The following CARD19 variants were observed in gnomAD, a reference collection of about 807,000 sequenced individuals.
CARD19 encodes caspase recruitment domain-containing protein 19.
Under a neutral mutation model 24.1 loss-of-function variants are expected in CARD19, and 25 were observed. The observed-to-expected ratio is 1.04, with a 90% CI of 0.76 to 1.45. The LOEUF (loss-of-function observed/expected upper bound fraction) is 1.45. Ranked by LOEUF, CARD19 falls within the 40% of genes most tolerant of loss-of-function variation. The probability of loss-of-function intolerance (pLI) is 0.00; values close to 1 mark genes in which losing one functional copy is unlikely to be tolerated. For missense variants in CARD19, 241 were observed against 247.4 expected (o/e 0.97, Z 0.17); for synonymous variants, 103 against 104.9 (o/e 0.98, Z 0.11).
chr9:93,100,579 CCTT>C (rs747061930), intron 1 of CARD19, among the ~76,000 whole-genome samples: 2 of 152,194 alleles, frequency 1.3e-5, no homozygotes, highest in Non-Finnish European at 2.9e-5. Flanking sequence ...ATAACATTTA[CCTT>C]CTTACCCATT....
At chr9:93,101,783 G>GT (rs1294261613) in intron 1 of CARD19, among the ~76,000 whole-genome samples, 2 of 151,806 alleles carry the variant, frequency 1.3e-5, no homozygotes, top group Non-Finnish European at 2.9e-5. Flanking sequence ...CTGCCATACT[G>GT]TTTTTTTCCA....
At chr9:93,111,223 C>T (rs1341361658) in intron 3 of CARD19, 21 of 1,177,862 alleles carry the variant, frequency 1.8e-5, no homozygotes, top group South Asian at 4.8e-5. Context: ...GAAGCACGTG[C>T]ATTTCAGTTT....
At chr9:93,112,842 C>G in intron 5 of CARD19, 150 bp from the exon 6 acceptor site, 2 of 584,626 alleles carry the variant, frequency 3.4e-6, no homozygotes, top group South Asian at 4.5e-5. Context: ...TGCCCTAATT[C>G]TTGTCTTTTC....
chr9:93,102,652 G>GT (rs71364357), intron 1 of CARD19, among the ~76,000 whole-genome samples: 11,284 of 143,268 alleles, frequency 0.079, 509 homozygotes, highest in South Asian at 0.17. Flanking sequence ...CCCTGTTGTT[G>GT]TTTTTTTTTT....
At chr9:93,100,229 A>G (rs60416917) in intron 1 of CARD19, among the ~76,000 whole-genome samples, 5,428 of 152,312 alleles carry the variant, frequency 0.036, 164 homozygotes, top group South Asian at 0.13. Context: ...ACAAAGTAAA[A>G]CAGTCTGTTG....
At chr9:93,101,951 G>A (rs569702147) in intron 1 of CARD19, among the ~76,000 whole-genome samples, 3 of 141,178 alleles carry the variant, frequency 2.1e-5, no homozygotes, top group Admixed American at 1.6e-4. Context: ...AATGACTAAT[G>A]ATGAGCATTT....
intron 1 of CARD19, 34 bp from the exon 2 acceptor site, chr9:93,107,640 G>C (rs1827312094): frequency 6.2e-7 from 1 of 1,613,230 alleles, no homozygotes; most frequent in Non-Finnish European, 8.5e-7. Context: ...CCCTTGGGCT[G>C]TGCTGGCTCA....
rs189319411 is a variant in CARD19 at position 93,101,532 on chromosome 9, C to T, written c.7+5180C>T. Among the ~76,000 whole-genome samples the T allele has an allele frequency of 3.3e-4, 50 of 151,576 alleles. 1 individual carries two copies. In the East Asian group the frequency reaches 7.8e-3, roughly 24 times the overall value. On this transcript the variant is annotated intron_variant, in intron 1 of 5. Coordinates refer to ENST00000375464, the MANE Select transcript of CARD19 (RefSeq NM_032310.5). The stretch of plus-strand genomic sequence containing the variant: ...TTGGCTCACTGCAACCTCTACCGTC[C>T]GGGTTGAAGCGATTCTCCTGCCTCA...
chr9:93,109,354 T>G (rs576874597), intron 2 of CARD19, among the ~76,000 whole-genome samples: 3 of 152,218 alleles, frequency 2.0e-5, no homozygotes, highest in African/African-American at 7.2e-5. Flanking sequence ...TGCCACCAGG[T>G]GGCAGCACCA....
chr9:93,106,892 C>T (rs1365953954), intron 1 of CARD19, among the ~76,000 whole-genome samples: 1 of 152,134 alleles, frequency 6.6e-6, no homozygotes, highest in Non-Finnish European at 1.5e-5. Flanking sequence ...CCCATCCTCT[C>T]CATGCCCTTC....
intron 5 of CARD19, 29 bp downstream of exon 5, chr9:93,112,318 G>C (rs764258966): frequency 3.2e-4 from 486 of 1,536,534 alleles, no homozygotes; most frequent in Non-Finnish European, 3.9e-4. Flanking sequence ...TCATGGGGCT[G>C]GGCCTGCCTC....
intron 3 of CARD19, chr9:93,111,443 C>G: frequency 9.3e-7 from 1 of 1,070,804 alleles, no homozygotes; most frequent in South Asian, 2.8e-5. Flanking sequence ...AGGGACTGGG[C>G]GGCTTGTCCC....
chr9:93,101,688 T>C (rs531367493), intron 1 of CARD19, among the ~76,000 whole-genome samples: 3 of 152,228 alleles, frequency 2.0e-5, no homozygotes, highest in South Asian at 4.1e-4. Context: ...TCTGCCTGCC[T>C]CTGCCTCCCA....
intron 3 of CARD19, chr9:93,110,997 A>G (rs1564212271): frequency 2.0e-6 from 3 of 1,493,926 alleles, no homozygotes; most frequent in Non-Finnish European, 2.7e-6. Flanking sequence ...AGCATGGGGC[A>G]TCTTATACGT....
At chr9:93,106,414 T>TAAAA (rs56137204) in intron 1 of CARD19, among the ~76,000 whole-genome samples, 2 of 102,920 alleles carry the variant, frequency 1.9e-5, no homozygotes, top group East Asian at 2.7e-4. Flanking sequence ...CTGTCTCTAC[T>TAAAA]AAAAAAAAAA....
chr9:93,102,649 GTTGT>G (rs1163553143), intron 1 of CARD19, among the ~76,000 whole-genome samples: 18 of 76,130 alleles, frequency 2.4e-4, no homozygotes, highest in Admixed American at 1.8e-3. Flanking sequence ...CAACCCTGTT[GTTGT>G]TTTTTTTTTT....
At chr9:93,103,324 A>G (rs1379334390) in intron 1 of CARD19, among the ~76,000 whole-genome samples, 1 of 152,218 alleles carries the variant, frequency 6.6e-6, no homozygotes, top group Non-Finnish European at 1.5e-5. Flanking sequence ...CCTCAAAATA[A>G]TCTGAGGATG....
At chr9:93,100,724 T>A (rs904472669) in intron 1 of CARD19, among the ~76,000 whole-genome samples, 1 of 152,216 alleles carries the variant, frequency 6.6e-6, no homozygotes, top group Non-Finnish European at 1.5e-5. Context: ...CTCCCCTTTC[T>A]CCTTCTGCCC....
chr9:93,102,421 C>T (rs940156456), intron 1 of CARD19, among the ~76,000 whole-genome samples: 1 of 152,102 alleles, frequency 6.6e-6, no homozygotes. Flanking sequence ...GGATACTAAT[C>T]CCTTATGAGA....
Sources: gnomAD v4.1 joint callset for allele counts (sites outside exome capture counted in the v4.1 genomes callset) on GRCh38, gnomAD v4.1.1 for gene constraint, MANE v1.5 for transcripts, NCBI Gene and HGNC (gene_info 2026-07-23, HGNC 2026-07-21) for gene names.